Variants in RYR1 observed in about 807,000 individuals in gnomAD.
RYR1 encodes central core disease of muscle.
In RYR1, 342 loss-of-function variants were observed where a neutral mutation model predicts 583.5. The observed-to-expected ratio is 0.59, with a 90% CI of 0.54 to 0.64. The LOEUF (loss-of-function observed/expected upper bound fraction) is 0.64, where lower values mean the gene tolerates loss of function less well. RYR1 is among the 30% of genes least tolerant of loss of function. The pLI is 0.00. For synonymous variants in RYR1, 2,791 were observed against 2,822.5 expected, an observed-to-expected ratio of 0.99 and a Z score of 0.35; for missense variants, 6,032 against 6,917.2, an observed-to-expected ratio of 0.87 and a Z score of 4.54.
intron 28 of RYR1, among the ~76,000 whole-genome samples, chr19:38,474,409 C>A (rs928400029): frequency 6.6e-6 from 1 of 150,828 alleles, no homozygotes; most frequent in Non-Finnish European, 1.5e-5. Context: ...ATTACAGGCA[C>A]GCGCCACCAT....
intron 89 of RYR1, among the ~76,000 whole-genome samples, chr19:38,552,933 A>C (rs1972727048): frequency 6.6e-6 from 1 of 152,298 alleles, no homozygotes; most frequent in East Asian, 1.9e-4. Flanking sequence ...AATGTCACCT[A>C]CCTGACATTT....
chr19:38,475,952 C>T (rs1399410859), intron 29 of RYR1, among the ~76,000 whole-genome samples: 1 of 152,180 alleles, frequency 6.6e-6, no homozygotes, highest in Admixed American at 6.5e-5. Context: ...TTTCCGTGGA[C>T]CACGGATGCG....
intron 20 of RYR1, among the ~76,000 whole-genome samples, chr19:38,461,292 C>T (rs1485058943): frequency 6.6e-6 from 1 of 152,106 alleles, no homozygotes; most frequent in Non-Finnish European, 1.5e-5. Flanking sequence ...TTAATATTTA[C>T]AAATTTAGAC....
chr19:38,553,447 C>A (rs1972751288), intron 89 of RYR1, among the ~76,000 whole-genome samples: 2 of 151,604 alleles, frequency 1.3e-5, no homozygotes, highest in Non-Finnish European at 2.9e-5. Flanking sequence ...GAGTTCAAGA[C>A]CAGCCTGGAC....
At chr19:38,449,230 C>A (rs1008917945) in intron 11 of RYR1, among the ~76,000 whole-genome samples, 1 of 152,082 alleles carries the variant, frequency 6.6e-6, no homozygotes, top group Non-Finnish European at 1.5e-5. Flanking sequence ...GAGGCCCAGG[C>A]GGTTGGATCA....
chr19:38,447,940 T>G, intron 9 of RYR1, among the ~76,000 whole-genome samples: 2 of 141,854 alleles, frequency 1.4e-5, no homozygotes, highest in South Asian at 2.3e-4. Flanking sequence ...AGGGAGAGAT[T>G]GGGGGCCCTG....
intron 101 of RYR1, among the ~76,000 whole-genome samples, chr19:38,583,555 C>A (rs1195948741): frequency 6.6e-6 from 1 of 151,984 alleles, no homozygotes; most frequent in Non-Finnish European, 1.5e-5. Context: ...CCACTCAGAC[C>A]CTTCTTGTGG....
Position 38,464,686 on chromosome 19 carries a change from C to T in RYR1, c.2834C>T (p.Ala945Val), listed in dbSNP as rs1348251043. Residue 945 changes from alanine to valine, a missense_variant, in exon 23 of 106, where the codon GCG becomes GTG. Physicochemically the swap from Ala to Val is moderately conservative, Grantham distance 64. Around this residue, in one of 11 missense-constraint regions of RYR1, gnomAD observed 2,627 missense variants for 2,961.3 expected, o/e 0.89. Coordinates refer to ENST00000359596, the MANE Select transcript of RYR1 (RefSeq NM_000540.3). Reference sequence around the variant, plus strand: ...CACGTGGGCATGGCGGATGAGAAGGCGGAGGACAACCTGAAGAAGACAAAA... The same window carrying T: ...CACGTGGGCATGGCGGATGAGAAGGTGGAGGACAACCTGAAGAAGACAAAA... ...GCHVGMADEK[A>V]EDNLKKTKLP... 8.8e-6 allele frequency: 14 copies of T among 1,592,898 alleles called. No individual in the cohort carries two copies. The highest frequency in any genetic ancestry group is 1.7e-4 in the Middle Eastern group (1 of 6,038).
chr19:38,578,157 G>A lies in RYR1; in HGVS notation c.14317G>A (p.Asp4773Asn), dbSNP rs754844157. The change falls in exon 99 of 106, where the codon GAT becomes AAT. Residue 4773 changes from aspartate to asparagine, a missense_variant. By Grantham distance (23) the Asp-to-Asn change is conservative. Transcript: ENST00000359596. ...PGLLTWLMSI[D>N]VKYQIWKFGV... The stretch of plus-strand genomic sequence containing the variant: ...CCGCCCCCACAGGCTCATGTCCATC[G>A]ATGTCAAGTACCAGATCTGGAAGTT... The A allele has an allele frequency of 3.7e-6, 6 of 1,613,464 alleles. No individual in the cohort carries two copies. The highest frequency in any genetic ancestry group is 5.1e-6 in the Non-Finnish European group (6 of 1,179,708).
intron 83 of RYR1, 57 bp downstream of exon 83, chr19:38,536,824 C>A: frequency 6.4e-7 from 1 of 1,569,840 alleles, no homozygotes; most frequent in Non-Finnish European, 8.8e-7. Context: ...CTCCTAACCC[C>A]GTCCACCCCT....
rs756685891 is a variant in RYR1 at position 38,502,669 on chromosome 19, C to T, written c.7777C>T (p.Arg2593Cys). The change falls in exon 48 of 106, where the codon CGT (arginine) becomes TGT (cysteine). Residue 2593 changes from arginine to cysteine, a missense_variant. Around this residue, in one of 11 missense-constraint regions of RYR1, gnomAD observed 250 missense variants for 162.3 expected, o/e 1.54. Coordinates refer to ENST00000359596, the MANE Select transcript of RYR1 (RefSeq NM_000540.3). ...TACCGTGTACCGCCTGTCTCGGGGT[C>T]GTTCGCTCACCAAGGCGCAGCGTGA... Reference protein sequence around the residue: ...LHTVYRLSRGRSLTKAQRDVI... With the variant: ...LHTVYRLSRGCSLTKAQRDVI... The T allele has an allele frequency of 1.1e-5, 17 of 1,610,328 alleles. No individual in the cohort carries two copies. The highest frequency in any genetic ancestry group is 4.5e-5 in the East Asian group (2 of 44,824).
intron 5 of RYR1, 28 bp downstream of exon 5, chr19:38,443,824 T>A (rs1005490530): frequency 6.2e-6 from 10 of 1,610,972 alleles, no homozygotes; most frequent in Non-Finnish European, 8.5e-6. Flanking sequence ...GATGGGGGTG[T>A]GAAGGGGCCC....
chr19:38,573,693 C>CAA (rs75549330), intron 96 of RYR1, among the ~76,000 whole-genome samples: 2 of 129,772 alleles, frequency 1.5e-5, no homozygotes, highest in Admixed American at 7.8e-5. Context: ...TCCCCCCAGA[C>CAA]AAAAAAAAAA....
intron 105 of RYR1, among the ~76,000 whole-genome samples, chr19:38,587,035 A>G (rs1030030896): frequency 3.9e-5 from 6 of 152,174 alleles, no homozygotes; most frequent in African/African-American, 1.4e-4. Context: ...TCGGGAGGCC[A>G]CAGCGGGAGA....
intron 89 of RYR1, 147 bp downstream of exon 89, chr19:38,548,567 G>A (rs1972533264): frequency 1.3e-6 from 1 of 750,542 alleles, no homozygotes; most frequent in East Asian, 2.6e-5. Flanking sequence ...CAGTCCTTGG[G>A]TTATATGTAT....
Position 38,507,884 on chromosome 19 carries a change from G to T in RYR1, c.8932+57G>T, listed in dbSNP as rs116749998. 1.1e-3 allele frequency: 1,150 copies of T among 1,068,268 alleles called. 7 individuals carry two copies. In the African/African-American group the frequency reaches 0.016, roughly 15 times the overall value. The allele number at this position is 1,068,268 out of a possible 1,614,324, so 66.2% of individuals were successfully genotyped here. Reference sequence around the variant, plus strand: ...CCCACCTGCAGACACCAGTTCTGCAGACCAGACTCACCTAGGACACCTGTT... The same window carrying T: ...CCCACCTGCAGACACCAGTTCTGCATACCAGACTCACCTAGGACACCTGTT... On this transcript the variant is annotated intron_variant, in intron 58 of 105. Transcript: ENST00000359596.
chr19:38,483,077 C>T lies in RYR1; in HGVS notation c.4671C>T (p.His1557=), dbSNP rs996718540. 2 of 1,614,042 alleles carry T rather than the reference C, an allele frequency of 1.2e-6. No homozygotes were observed. Among genetic ancestry groups the T allele is most frequent in the Admixed American group, 1.7e-5 (1 of 59,990 alleles). The change falls in exon 32 of 106, where the codon CAC becomes CAT. Residue 1557 remains histidine, a synonymous_variant. Transcript: ENST00000359596. This position sits in a 1 kb window ranked among gnomAD's most constrained non-coding sequence, Gnocchi z 6.3. ...CTGCCGTCTTCGTCCTGCCCACCCA[C>T]CAGAACGTCATCCAGTTTGAGCTGG... ...LFPAVFVLPT[H]QNVIQFELGK...
At position 38,499,631 on chromosome 19, in the gene RYR1, C is replaced by A; in HGVS notation, c.7028-4C>A. 6.3e-7 allele frequency: 1 copy of A among 1,597,386 alleles called. No homozygotes were observed. Among genetic ancestry groups the A allele is most frequent in the South Asian group, 1.1e-5 (1 of 90,954 alleles). Reference sequence around the variant, plus strand: ...AGACCCCCTTTCCCCATGCGGGTGGCCAGGCGAGAGCGTGGAGGAGAACGC... The same window carrying A: ...AGACCCCCTTTCCCCATGCGGGTGGACAGGCGAGAGCGTGGAGGAGAACGC... On this transcript the variant is annotated splice_polypyrimidine_tract_variant and splice_region_variant and intron_variant, in intron 43 of 105. Coordinates refer to ENST00000359596, the MANE Select transcript of RYR1 (RefSeq NM_000540.3). The surrounding 1 kb of genome is among the most constrained non-coding windows in gnomAD (Gnocchi z 7.3).
At chr19:38,515,426 A>G (rs1970921507) in intron 64 of RYR1, among the ~76,000 whole-genome samples, 1 of 152,178 alleles carries the variant, frequency 6.6e-6, no homozygotes, top group Admixed American at 6.5e-5. Context: ...TGGCCATGTG[A>G]CCGCTTCTGA....
Sources: allele counts gnomAD v4.1 joint callset (sites outside exome capture counted in the v4.1 genomes callset), GRCh38; gene constraint gnomAD v4.1.1; regional missense constraint gnomAD v4.1.1; non-coding constraint Gnocchi (gnomAD v3.1); transcripts MANE v1.5; gene names NCBI Gene and HGNC (gene_info 2026-07-23, HGNC 2026-07-21).